The following SLC26A9 variants were observed in gnomAD, a reference collection of about 807,000 sequenced individuals.
The protein encoded by SLC26A9 is solute carrier family 26 member 9.
In SLC26A9, 46 loss-of-function variants were observed where a neutral mutation model predicts 87.1. The ratio of observed to expected loss-of-function variants is 0.53; its 90% confidence interval spans 0.42 to 0.67. The LOEUF is 0.67. Ranked by LOEUF, SLC26A9 falls within the 30% of genes least tolerant of loss-of-function variation. The probability of loss-of-function intolerance (pLI) is 0.00; values close to 1 mark genes in which losing one functional copy is unlikely to be tolerated. For missense variants in SLC26A9, 927 were observed against 1,018.3 expected (o/e 0.91, Z 1.22); for synonymous variants, 437 against 409.1 (o/e 1.07, Z -0.82).
chr1:205,921,805 G>A lies in SLC26A9; in HGVS notation c.1816C>T (p.Pro606Ser), dbSNP rs1358483614. The A allele has an allele frequency of 1.9e-6, 3 of 1,607,002 alleles. No homozygotes were observed. Among genetic ancestry groups the A allele is most frequent in the Non-Finnish European group, 1.7e-6 (2 of 1,177,814 alleles). ...QELQQDFENA[P>S]PTDPNNNQTP... ...TGGTTGTTGTTGGGGTCGGTGGGGGGCGCATTCTCAAAGTCCTGCTGCAGC... is the reference window on the plus strand; with the variant it reads ...TGGTTGTTGTTGGGGTCGGTGGGGGACGCATTCTCAAAGTCCTGCTGCAGC... The change falls in exon 17 of 21, where the codon CCC becomes TCC. Residue 606 changes from proline to serine, a missense_variant. Pro to Ser is a moderately conservative substitution (Grantham distance 74). Coordinates refer to ENST00000367135, the MANE Select transcript of SLC26A9 (RefSeq NM_052934.4).
chr1:205,921,870 C>A, intron 16 of SLC26A9, 23 bp from the exon 17 acceptor site: 1 of 1,594,552 alleles, frequency 6.3e-7, no homozygotes, highest in South Asian at 1.1e-5. Context: ...GGACAGTGGG[C>A]AGAGTCAGGG....
At chr1:205,933,856 C>T (rs1472990840) in intron 2 of SLC26A9, among the ~76,000 whole-genome samples, 1 of 152,160 alleles carries the variant, frequency 6.6e-6, no homozygotes, top group East Asian at 1.9e-4. Flanking sequence ...GATCCCTTCC[C>T]TGTTTGTTGA....
At chr1:205,935,341 G>A (rs1234843257) in intron 2 of SLC26A9, 1 of 172,676 alleles carries the variant, frequency 5.8e-6, no homozygotes, top group African/African-American at 2.4e-5. Flanking sequence ...GAGGGAACAG[G>A]GCATGGAGTA....
chr1:205,924,751 A>G (rs1385533381), intron 12 of SLC26A9: 2 of 422,500 alleles, frequency 4.7e-6, no homozygotes, highest in Non-Finnish European at 8.6e-6. Context: ...GGTGGCATCT[A>G]TAAGAGCATG....
rs988153152 is a variant in SLC26A9, at chr1:205,913,450, T to A, written c.*1907A>T. 6.6e-6 allele frequency: 1 copy of A among 152,642 alleles called. No homozygotes were observed. Among genetic ancestry groups the A allele is most frequent in the Admixed American group, 6.5e-5 (1 of 15,282 alleles). 9.5% of individuals were successfully genotyped at this position (152,642 alleles called of 1,614,324 possible). A position where few individuals can be genotyped will look rare whatever the true frequency, so the allele number is the denominator to read the frequency against. On this transcript the variant is annotated 3_prime_UTR_variant, in exon 21 of 21. Coordinates refer to ENST00000367135, the MANE Select transcript of SLC26A9 (RefSeq NM_052934.4). Reference sequence around the variant, plus strand: ...ATCTCCTTCAGTTCTGAGGCTGGTCTGGGGGTTAATGATTACTTGGGGGTT... The same window carrying A: ...ATCTCCTTCAGTTCTGAGGCTGGTCAGGGGGTTAATGATTACTTGGGGGTT...
At chr1:205,927,738 CCA>C in intron 9 of SLC26A9, 133 bp from the exon 10 acceptor site, 1 of 1,393,584 alleles carries the variant, frequency 7.2e-7, no homozygotes, top group Non-Finnish European at 9.9e-7. Flanking sequence ...TCACACATTC[CCA>C]GTCAAGAGGA....
chr1:205,927,373 G>A, intron 10 of SLC26A9, 85 bp from the exon 11 acceptor site: 1 of 1,568,524 alleles, frequency 6.4e-7, no homozygotes, highest in Non-Finnish European at 8.8e-7. Flanking sequence ...TTGGTGGAGT[G>A]GAGACTAAGA....
intron 9 of SLC26A9, 97 bp downstream of exon 9, chr1:205,927,805 C>T: frequency 1.9e-6 from 3 of 1,549,092 alleles, no homozygotes; most frequent in South Asian, 1.2e-5. Context: ...AGGCAGCCTG[C>T]CTCACCTCAG....
Position 205,931,993 on chromosome 1 carries a change from A to T in SLC26A9, c.419T>A (p.Leu140Gln). ...VISILVGNIC[L>Q]QLAPESKFQV... is the part of the protein sequence containing the mutation. ...GAATTTCGACTCTGGGGCCAGCTGC[A>T]GACAGATGTTACCCACCAGGATGCT... Residue 140 changes from leucine (L) to glutamine (Q), a missense_variant, in exon 5 of 21, where the codon CTG (leucine) becomes CAG (glutamine). Transcript: ENST00000367135. The T allele has an allele frequency of 6.2e-7, 1 of 1,614,254 alleles. No individual in the cohort carries two copies. Among genetic ancestry groups the T allele is most frequent in the Non-Finnish European group, 8.5e-7 (1 of 1,180,046 alleles).
In SLC26A9 at chr1:205,914,195, C is replaced by T. The variant is rs35843105; in HGVS notation, c.*1162G>A. On this transcript the variant is annotated 3_prime_UTR_variant, in exon 21 of 21. Transcript: ENST00000367135. ...CAGGAAGACCCAATCTGGATCAGCC[C>T]CTTTCCACATCTGCATGCAGTTAGG... The T allele has an allele frequency of 0.048, 7,319 of 152,290 alleles. 216 individuals are homozygous for T. Among genetic ancestry groups the T allele is most frequent in the Middle Eastern group, 0.082 (24 of 294 alleles). 9.4% of individuals were successfully genotyped at this position (152,290 alleles called of 1,614,324 possible).
rs771701752 is a variant in SLC26A9 at position 205,929,994 on chromosome 1, C to T, written c.615G>A (p.Arg205=). ...GCAGGCCGGCGGCCGTCATGAAGCCCCGGATGAAGGACTCGGAGAGGTAGA... is the reference window on the plus strand; with the variant it reads ...GCAGGCCGGCGGCCGTCATGAAGCCTCGGATGAAGGACTCGGAGAGGTAGA... ...VAIYLSESFI[R]GFMTAAGLQI... Residue 205 remains arginine (R), a synonymous_variant, in exon 6 of 21, where the codon CGG becomes CGA. Coordinates refer to ENST00000367135, the MANE Select transcript of SLC26A9 (RefSeq NM_052934.4). 4.3e-6 allele frequency: 7 copies of T among 1,613,736 alleles called. No individual in the cohort carries two copies. In the African/African-American group the frequency reaches 9.3e-5, roughly 22 times the overall value.
At chr1:205,941,308 A>G (rs1001992076) in intron 1 of SLC26A9, among the ~76,000 whole-genome samples, 2 of 152,090 alleles carry the variant, frequency 1.3e-5, no homozygotes, top group African/African-American at 4.8e-5. Flanking sequence ...AGCTGGGATT[A>G]CTGGTGCGCG....
At chr1:205,939,564 G>T (rs1007656722) in intron 1 of SLC26A9, among the ~76,000 whole-genome samples, 2 of 152,118 alleles carry the variant, frequency 1.3e-5, no homozygotes, top group East Asian at 3.8e-4. Context: ...GGGGTGGGAC[G>T]TAGAAGACAA....
chr1:205,933,234 G>T, intron 2 of SLC26A9, 150 bp from the exon 3 acceptor site: 1 of 1,219,058 alleles, frequency 8.2e-7, no homozygotes. Flanking sequence ...AGAAAAGGCA[G>T]GAACTTTTTC....
intron 17 of SLC26A9, among the ~76,000 whole-genome samples, 162 bp from the exon 18 acceptor site, chr1:205,920,392 C>G (rs1658776581): frequency 1.3e-5 from 2 of 152,216 alleles, no homozygotes; most frequent in Admixed American, 6.5e-5. Flanking sequence ...CACCACTTCT[C>G]CCTGGAGTGT....
Position 205,929,975 on chromosome 1 carries a change from C to G in SLC26A9, c.634G>C (p.Gly212Arg). ...AGCACCGAAATCAGGATCTGCAGGC[C>G]GGCGGCCGTCATGAAGCCCCGGATG... is the stretch of plus-strand genomic sequence containing the variant. Reference protein sequence around the residue: ...SFIRGFMTAAGLQILISVLKY... With the variant: ...SFIRGFMTAARLQILISVLKY... The change falls in exon 6 of 21, where the codon GGC becomes CGC. Residue 212 changes from glycine to arginine, a missense_variant. By Grantham distance (125) the Gly-to-Arg change is moderately radical (BLOSUM62 -2). Coordinates refer to ENST00000367135, the MANE Select transcript of SLC26A9 (RefSeq NM_052934.4). 1 of 1,613,872 alleles carries G rather than the reference C, an allele frequency of 6.2e-7. No homozygotes were observed. The highest frequency in any genetic ancestry group is 8.5e-7 in the Non-Finnish European group (1 of 1,179,806).
intron 19 of SLC26A9, 100 bp from the exon 20 acceptor site, chr1:205,917,454 A>C (rs1401356878): frequency 1.7e-6 from 2 of 1,154,074 alleles, no homozygotes; most frequent in Non-Finnish European, 2.6e-6. Context: ...CTCTGGTTGG[A>C]CGCTGCTTCC....
chr1:205,927,437 T>A (rs953689309), intron 10 of SLC26A9, 55 bp downstream of exon 10: 1 of 1,585,092 alleles, frequency 6.3e-7, no homozygotes. Flanking sequence ...CCAGGCTTTT[T>A]TGGGGCAACT....
At position 205,932,997 on chromosome 1, in the gene SLC26A9, G is replaced by C. The variant is rs903200702; in HGVS notation, c.213C>G (p.Ile71Met). Residue 71 changes from isoleucine (I) to methionine (M), a missense_variant, in exon 3 of 21, where the codon ATC becomes ATG. Transcript: ENST00000367135. ...WLPKYKIKDY[I>M]IPDLLGGLSG... ...TGAGTCCACCGAGCAGGTCAGGAAT[G>C]ATGTAGTCTTTAATCTTGTACTTGG... is the stretch of plus-strand genomic sequence containing the variant. 6.2e-7 allele frequency: 1 copy of C among 1,614,190 alleles called. No individual in the cohort carries two copies. The highest frequency in any genetic ancestry group is 1.6e-4 in the Middle Eastern group (1 of 6,062).
Sources: gnomAD v4.1 joint callset for allele counts (sites outside exome capture counted in the v4.1 genomes callset) on GRCh38, gnomAD v4.1.1 for gene constraint, MANE v1.5 for transcripts, NCBI Gene and HGNC (gene_info 2026-07-23, HGNC 2026-07-21) for gene names.